LRRC4C: variants seen among roughly 807,000 people sequenced by gnomAD.
The protein encoded by LRRC4C is leucine-rich repeat-containing protein 4C.
A neutral mutation model predicts 33.6 loss-of-function variants in LRRC4C; 5 were observed. The observed-to-expected ratio is 0.15, with a 90% CI of 0.08 to 0.31. The LOEUF is 0.31. LRRC4C is among the 10% of genes least tolerant of loss of function. The pLI is 1.00. For missense variants in LRRC4C, 560 were observed against 796.7 expected (o/e 0.70, Z 3.58); for synonymous variants, 329 against 302.0 (o/e 1.09, Z -0.93).
intron 1 of LRRC4C, among the ~76,000 whole-genome samples, chr11:41,432,986 A>G (rs184364612): frequency 6.6e-6 from 1 of 152,298 alleles, no homozygotes; most frequent in East Asian, 1.9e-4. Flanking sequence ...AATGTTGCAT[A>G]GAGACAAAGG....
chr11:40,560,570 A>T (rs1165921296), intron 3 of LRRC4C, among the ~76,000 whole-genome samples: 1 of 152,168 alleles, frequency 6.6e-6, no homozygotes, highest in Non-Finnish European at 1.5e-5. Context: ...GCAACTGGGA[A>T]ACTTACTGAT....
rs577041007 is a variant in LRRC4C at position 41,270,972 on chromosome 11, C to T, written c.-496+188459G>A. 9.2e-5 allele frequency among the ~76,000 whole-genome samples: 14 copies of T among 152,122 alleles called. No homozygotes were observed. The South Asian group carries it at 2.5e-3, about 27-fold the overall frequency. On this transcript the variant is annotated intron_variant, in intron 1 of 6. Transcript: ENST00000528697. The stretch of plus-strand genomic sequence containing the variant: ...GTGTGTCTCTGTATCTTAAACCTCC[C>T]TCCCCTTTCTCCTATAAATCAAATC...
At chr11:40,800,305 T>C (rs918240205) in intron 2 of LRRC4C, among the ~76,000 whole-genome samples, 1 of 152,198 alleles carries the variant, frequency 6.6e-6, no homozygotes, top group Admixed American at 6.5e-5. Context: ...TCCCTGTCTG[T>C]TGTCCCTTCT....
chr11:40,569,719 A>G (rs1003382741), intron 3 of LRRC4C, among the ~76,000 whole-genome samples: 1 of 152,150 alleles, frequency 6.6e-6, no homozygotes, highest in Non-Finnish European at 1.5e-5. Flanking sequence ...CAAGAAAGTG[A>G]TCATTATGAG....
intron 2 of LRRC4C, among the ~76,000 whole-genome samples, chr11:40,811,524 TTCTC>T (rs1591784037): frequency 6.6e-6 from 1 of 152,064 alleles, no homozygotes; most frequent in African/African-American, 2.4e-5. Context: ...TTGAGATGGA[TTCTC>T]TCTCTGTCAG....
chr11:41,107,094 A>C (rs186979187), intron 1 of LRRC4C, among the ~76,000 whole-genome samples: 11 of 146,870 alleles, frequency 7.5e-5, no homozygotes, highest in Non-Finnish European at 1.3e-4. Context: ...GAATGTGTGC[A>C]TGATACTTAC....
intron 5 of LRRC4C, among the ~76,000 whole-genome samples, chr11:40,151,747 G>A (rs573630366): frequency 6.6e-6 from 1 of 152,054 alleles, no homozygotes. Context: ...TTGGATTCTG[G>A]GGAAGAAACA....
Position 41,233,989 on chromosome 11 carries a change from A to G in LRRC4C, c.-496+225442T>C, listed in dbSNP as rs1947914021. ...AAGCTTTTTTTTTTTTTTAAGGAAA[A>G]CACTGGGAAAGAGCAGGGAAGTCAG... On this transcript the variant is annotated intron_variant, in intron 1 of 6. Transcript: ENST00000528697. Among the ~76,000 whole-genome samples, 4 of 151,700 alleles carry G rather than the reference A, an allele frequency of 2.6e-5. No homozygotes were observed. The South Asian group carries it at 8.3e-4, about 31-fold the overall frequency.
chr11:40,917,928 G>C (rs548078665), intron 2 of LRRC4C, among the ~76,000 whole-genome samples: 2 of 152,132 alleles, frequency 1.3e-5, no homozygotes, highest in Non-Finnish European at 2.9e-5. Context: ...AAAAAACAGT[G>C]TGGGTTTGAC....
intron 3 of LRRC4C, among the ~76,000 whole-genome samples, chr11:40,605,990 A>G (rs1960542622): frequency 6.6e-6 from 1 of 152,150 alleles, no homozygotes; most frequent in Non-Finnish European, 1.5e-5. Flanking sequence ...GGCTGCTAAG[A>G]ACAGAAAGAG....
chr11:40,222,042 A>C (rs1244483667), intron 5 of LRRC4C, among the ~76,000 whole-genome samples: 1 of 151,814 alleles, frequency 6.6e-6, no homozygotes, highest in Non-Finnish European at 1.5e-5. Flanking sequence ...CAAATAGCTT[A>C]TTTTTTCCTA....
rs145722740 is a variant in LRRC4C, at chr11:41,321,478, A to G, written c.-496+137953T>C. Among the ~76,000 whole-genome samples the G allele has an allele frequency of 2.6e-4, 39 of 152,292 alleles. 1 individual carries two copies. In the East Asian group the frequency reaches 7.5e-3, roughly 29 times the overall value. Reference sequence around the variant, plus strand: ...TCAAGAACCAAAAAACTGCCTGTCAATTTCAAAAGGACCGTAGAATTCAAC... The same window carrying G: ...TCAAGAACCAAAAAACTGCCTGTCAGTTTCAAAAGGACCGTAGAATTCAAC... On this transcript the variant is annotated intron_variant, in intron 1 of 6. Coordinates refer to ENST00000528697, the MANE Select transcript of LRRC4C (RefSeq NM_001258419.2).
At chr11:41,332,499 G>C (rs1354207807) in intron 1 of LRRC4C, among the ~76,000 whole-genome samples, 1 of 152,036 alleles carries the variant, frequency 6.6e-6, no homozygotes, top group Non-Finnish European at 1.5e-5. Flanking sequence ...CCAACATATT[G>C]TGCCAGAAAG....
chr11:40,881,046 T>C (rs1955151678), intron 2 of LRRC4C, among the ~76,000 whole-genome samples: 1 of 151,978 alleles, frequency 6.6e-6, no homozygotes, highest in Admixed American at 6.6e-5. Context: ...TTCATGAAAT[T>C]ATTTCAGTTA....
intron 1 of LRRC4C, among the ~76,000 whole-genome samples, chr11:40,937,060 A>G (rs1193113955): frequency 6.6e-6 from 1 of 152,232 alleles, no homozygotes; most frequent in African/African-American, 2.4e-5. Context: ...ACATGGAATC[A>G]ACCCAGGTTT....
chr11:40,665,920 T>C (rs1943782869), intron 2 of LRRC4C, among the ~76,000 whole-genome samples: 1 of 152,136 alleles, frequency 6.6e-6, no homozygotes, highest in African/African-American at 2.4e-5. Context: ...GTTATTTATG[T>C]ATATACAAAT....
At chr11:40,804,092 T>C (rs1029993684) in intron 2 of LRRC4C, among the ~76,000 whole-genome samples, 2 of 152,176 alleles carry the variant, frequency 1.3e-5, no homozygotes, top group African/African-American at 4.8e-5. Context: ...TTTTTCCTTC[T>C]CTTTTGAGGG....
chr11:40,882,871 G>T (rs929314171), intron 2 of LRRC4C, among the ~76,000 whole-genome samples: 10 of 152,030 alleles, frequency 6.6e-5, no homozygotes, highest in Non-Finnish European at 1.2e-4. Flanking sequence ...TAGCAAGCAT[G>T]CACTGTCTAA....
chr11:41,295,522 T>C (rs1950114900), intron 1 of LRRC4C, among the ~76,000 whole-genome samples: 1 of 152,188 alleles, frequency 6.6e-6, no homozygotes, highest in Non-Finnish European at 1.5e-5. Flanking sequence ...TAGTGTATTA[T>C]TTTTGTAATT....
Sources: gnomAD v4.1 joint callset for allele counts (sites outside exome capture counted in the v4.1 genomes callset) on GRCh38, gnomAD v4.1.1 for gene constraint, MANE v1.5 for transcripts, NCBI Gene and HGNC (gene_info 2026-07-23, HGNC 2026-07-21) for gene names.